The following AIMP1 variants were observed in gnomAD, a reference collection of about 807,000 sequenced individuals.
AIMP1 encodes the protein aminoacyl tRNA synthetase complex interacting multifunctional protein 1.
A neutral mutation model predicts 33.1 loss-of-function variants in AIMP1; 24 were observed. The ratio of observed to expected loss-of-function variants is 0.73; its 90% CI spans 0.53 to 1.02. The LOEUF is 1.02. Among genes scored for constraint, AIMP1 ranks in the 50% least tolerant of loss-of-function variants. The pLI, the probability that AIMP1 is intolerant of heterozygous loss-of-function variation, is 0.00. For synonymous variants in AIMP1, 120 were observed against 121.5 expected (o/e 0.99, Z 0.08); for missense variants, 367 against 364.8 (o/e 1.01, Z -0.05).
chr4:106,333,468 C>T (rs940586206), intron 5 of AIMP1, among the ~76,000 whole-genome samples: 6 of 152,190 alleles, frequency 3.9e-5, no homozygotes, highest in Non-Finnish European at 5.9e-5. Flanking sequence ...CTACTTCCTA[C>T]TTAACAAGCT....
At chr4:106,327,343 G>A in intron 2 of AIMP1, 108 bp from the exon 3 acceptor site, 1 of 756,134 alleles carries the variant, frequency 1.3e-6, no homozygotes, top group Non-Finnish European at 2.3e-6. Flanking sequence ...GGTTACACTA[G>A]AGCTAGTATT....
rs754897830 is a variant in AIMP1, at chr4:106,328,198, GGAACA to G, written c.348_352del (p.Thr117ArgfsTer10). The G allele has an allele frequency of 1.2e-6, 2 of 1,612,430 alleles. No homozygotes were observed. The highest frequency in any genetic ancestry group is 2.2e-5 in the South Asian group (2 of 91,028). ...TGGTACCAAAGAACAGATAAAAGGA[GGAACA>G]GGAGACGAAAAGAAAGCGAAAGAGA... On this transcript the variant is annotated frameshift_variant, in exon 4 of 7. Transcript: ENST00000672341. LOFTEE classifies it high-confidence loss of function.
intron 6 of AIMP1, among the ~76,000 whole-genome samples, chr4:106,340,357 A>G (rs1770051992): frequency 6.6e-6 from 1 of 151,984 alleles, no homozygotes; most frequent in African/African-American, 2.4e-5. Context: ...ATGTCCTTGA[A>G]GTTTAGTATA....
At chr4:106,345,702 G>A (rs1339445225) in intron 6 of AIMP1, among the ~76,000 whole-genome samples, 1 of 151,662 alleles carries the variant, frequency 6.6e-6, no homozygotes, top group African/African-American at 2.4e-5. Flanking sequence ...AATGTTGTAT[G>A]TTCTTGCAGT....
Position 106,347,565 on chromosome 4 carries a change from G to T in AIMP1, c.812G>T (p.Trp271Leu). 1 of 1,613,216 alleles carries T rather than the reference G, an allele frequency of 6.2e-7. No homozygotes were observed. Among genetic ancestry groups the T allele is most frequent in the Non-Finnish European group, 8.5e-7 (1 of 1,179,556 alleles). Residue 271 changes from tryptophan (W) to leucine (L), a missense_variant, in exon 7 of 7, where the codon TGG becomes TTG. By Grantham distance (61) the Trp-to-Leu change is moderately conservative. Transcript: ENST00000672341. ...GAGCTGAATCCTAAGAAGAAGATTT[G>T]GGAGCAGATCCAGCCTGATCTTCAC... ...DKELNPKKKIWEQIQPDLHTN... is the reference protein window; with the variant it reads ...DKELNPKKKILEQIQPDLHTN...
chr4:106,316,066 A>G (rs1168336241), upstream of AIMP1: 9 of 153,802 alleles, frequency 5.9e-5, no homozygotes. Flanking sequence ...GTGCTCCTAC[A>G]AAAGAGGCCA....
At chr4:106,320,563 G>C (rs1265664312) in intron 1 of AIMP1, among the ~76,000 whole-genome samples, 1 of 151,972 alleles carries the variant, frequency 6.6e-6, no homozygotes, top group Non-Finnish European at 1.5e-5. Flanking sequence ...GGAAAAGAAA[G>C]CTATCCCTGA....
At chr4:106,324,480 A>G (rs1769385731) in intron 1 of AIMP1, among the ~76,000 whole-genome samples, 1 of 152,068 alleles carries the variant, frequency 6.6e-6, no homozygotes, top group African/African-American at 2.4e-5. Flanking sequence ...GAACAAGCAT[A>G]TGATTAATAT....
chr4:106,316,423 TG>T, upstream of AIMP1: 2 of 943,340 alleles, frequency 2.1e-6, no homozygotes, highest in Non-Finnish European at 3.3e-6. Flanking sequence ...GGCAGGTTAA[TG>T]GGACTGAGCA....
chr4:106,316,896 G>A (rs1427420397), intron 1 of AIMP1, among the ~76,000 whole-genome samples: 1 of 152,182 alleles, frequency 6.6e-6, no homozygotes. Context: ...GTGCTTTGGG[G>A]GAGAGGAGGG....
chr4:106,339,264 G>T (rs1028234186), intron 6 of AIMP1, among the ~76,000 whole-genome samples: 4 of 152,156 alleles, frequency 2.6e-5, no homozygotes, highest in African/African-American at 9.6e-5. Flanking sequence ...TTTGGGAGGG[G>T]CCAGGGGCAG....
chr4:106,324,208 T>C (rs1189480377), intron 1 of AIMP1, among the ~76,000 whole-genome samples: 2 of 152,068 alleles, frequency 1.3e-5, no homozygotes, highest in Admixed American at 1.3e-4. Flanking sequence ...TTGTTATACC[T>C]TGAATTATAA....
chr4:106,334,376 T>G (rs1162017870), intron 5 of AIMP1, among the ~76,000 whole-genome samples: 2 of 151,714 alleles, frequency 1.3e-5, no homozygotes, highest in East Asian at 3.9e-4. Context: ...GCAATTCTCC[T>G]GCCTCAGCCT....
At chr4:106,320,277 T>C (rs771134272) in intron 1 of AIMP1, among the ~76,000 whole-genome samples, 3 of 152,254 alleles carry the variant, frequency 2.0e-5, no homozygotes, top group Non-Finnish European at 4.4e-5. Context: ...TGTTAAACTA[T>C]CACTGTGCCC....
In AIMP1 at chr4:106,332,001, C is replaced by T. The variant is rs184147565; in HGVS notation, c.603+118C>T. On this transcript the variant is annotated intron_variant, in intron 5 of 6. Coordinates refer to ENST00000672341, the MANE Select transcript of AIMP1 (RefSeq NM_001142416.2). ...CAACATGTGCCCTTGTTAATTAGTTCAGTCGATTAGTTTGAATGTGGTTAA... is the reference window on the plus strand; with the variant it reads ...CAACATGTGCCCTTGTTAATTAGTTTAGTCGATTAGTTTGAATGTGGTTAA... 1.4e-4 allele frequency: 139 copies of T among 989,064 alleles called. 1 individual carries two copies. In the African/African-American group the frequency reaches 1.8e-3, roughly 12 times the overall value. 61.3% of individuals were successfully genotyped at this position (989,064 alleles called of 1,614,324 possible). A position where few individuals can be genotyped will look rare whatever the true frequency, so the allele number is the denominator to read the frequency against.
chr4:106,320,747 GCCCTCT>G (rs967401757), intron 1 of AIMP1, among the ~76,000 whole-genome samples: 49 of 152,000 alleles, frequency 3.2e-4, no homozygotes, highest in South Asian at 1.5e-3. Flanking sequence ...GAAAAGTATA[GCCCTCT>G]CCCTCTCCCT....
intron 1 of AIMP1, among the ~76,000 whole-genome samples, chr4:106,319,861 C>T (rs892892057): frequency 6.6e-5 from 10 of 152,094 alleles, no homozygotes; most frequent in African/African-American, 2.4e-4. Context: ...GAAAATGCTT[C>T]GTAATTATAT....
intron 1 of AIMP1, among the ~76,000 whole-genome samples, chr4:106,321,757 G>A (rs1483660474): frequency 2.0e-5 from 3 of 152,244 alleles, no homozygotes; most frequent in Admixed American, 2.0e-4. Flanking sequence ...GAATAGAAAA[G>A]GGGGAAATGT....
At chr4:106,321,814 GA>G (rs1240559098) in intron 1 of AIMP1, among the ~76,000 whole-genome samples, 1 of 152,256 alleles carries the variant, frequency 6.6e-6, no homozygotes, top group African/African-American at 2.4e-5. Context: ...TGTGTGGAAA[GA>G]AGTAGACATA....
Sources: allele counts gnomAD v4.1 joint callset (sites outside exome capture counted in the v4.1 genomes callset), GRCh38; gene constraint gnomAD v4.1.1; transcripts MANE v1.5; gene names NCBI Gene and HGNC (gene_info 2026-07-23, HGNC 2026-07-21).